Variants in PPP3CC observed in about 807,000 individuals in gnomAD.
PPP3CC encodes the protein serine/threonine-protein phosphatase 2B catalytic subunit gamma isoform.
A neutral mutation model predicts 60.3 loss-of-function variants in PPP3CC; 35 were observed. The observed-to-expected ratio is 0.58, with a 90% CI of 0.44 to 0.77. The LOEUF (loss-of-function observed/expected upper bound fraction) is 0.77, where lower values mean the gene tolerates loss of function less well. PPP3CC is among the 30% of genes least tolerant of loss of function. PPP3CC has a pLI of 0.00. For missense variants in PPP3CC, 570 were observed against 628.9 expected (o/e 0.91, Z 1.00); for synonymous variants, 206 against 224.3 (o/e 0.92, Z 0.73).
chr8:22,536,851 T>TGTATGG (rs1377900179), intron 12 of PPP3CC, among the ~76,000 whole-genome samples: 7 of 152,356 alleles, frequency 4.6e-5, no homozygotes, highest in East Asian at 3.9e-4. Context: ...CATACATTCA[T>TGTATGG]GTATGTCTCA....
In PPP3CC at chr8:22,475,603, C is replaced by A; in HGVS notation, c.351C>A (p.Asp117Glu). 1 of 1,613,308 alleles carries A rather than the reference C, an allele frequency of 6.2e-7. No homozygotes were observed. The highest frequency in any genetic ancestry group is 8.5e-7 in the Non-Finnish European group (1 of 1,179,480). The change falls in exon 3 of 14, where the codon GAC becomes GAA. Residue 117 changes from aspartate to glutamate, a missense_variant. Asp to Glu is a conservative substitution (Grantham distance 45). Coordinates refer to ENST00000240139, the MANE Select transcript of PPP3CC (RefSeq NM_005605.5). ...TRYLFLGDYVDRGYFSIECVL... is the reference protein window; with the variant it reads ...TRYLFLGDYVERGYFSIECVL... The stretch of plus-strand genomic sequence containing the variant: ...ACCTCTTTCTGGGTGACTATGTGGA[C>A]AGAGGCTATTTCAGTATAGAGGTAA...
In PPP3CC at chr8:22,474,990, A is replaced by G. The variant is rs763316735; in HGVS notation, c.86A>G (p.Lys29Arg). The G allele has an allele frequency of 1.9e-6, 3 of 1,607,672 alleles. No homozygotes were observed. The South Asian group carries it at 3.3e-5, about 18-fold the overall frequency. The change falls in exon 2 of 14, where the codon AAG (lysine) becomes AGG (arginine). Residue 29 changes from lysine (K) to arginine (R), a missense_variant. Coordinates refer to ENST00000240139, the MANE Select transcript of PPP3CC (RefSeq NM_005605.5). ...PFPPTQRLTF[K>R]EVFENGKPKV... The stretch of plus-strand genomic sequence containing the variant: ...CCTCCAACCCAACGGCTTACTTTCA[A>G]GGAAGTATTTGAGAATGGGAAACCT...
rs373116798 is a variant in PPP3CC at position 22,477,835 on chromosome 8, A to ATATTTATTTATTTATT, written c.372+2225_372+2240dup. On this transcript the variant is annotated intron_variant, in intron 3 of 13. Transcript: ENST00000240139. Reference sequence around the variant, plus strand: ...TGTATTTAATAAAACAACTTTTAAAATATTTATTTATTTATTTATTTATTT... The same window carrying ATATTTATTTATTTATT: ...TGTATTTAATAAAACAACTTTTAAAATATTTATTTATTTATTTATTTATTTATTTATTTATTTATTT... Among the ~76,000 whole-genome samples, 806 of 151,360 alleles carry ATATTTATTTATTTATT rather than the reference A, an allele frequency of 5.3e-3. 5 individuals are homozygous for ATATTTATTTATTTATT. The highest frequency in any genetic ancestry group is 0.018 in the African/African-American group (749 of 41,134).
chr8:22,444,267 A>G (rs71531266), intron 1 of PPP3CC, among the ~76,000 whole-genome samples: 41,012 of 151,440 alleles, frequency 0.27, 6,807 homozygotes, highest in East Asian at 0.49. Context: ...AAGCCAAAAA[A>G]AAAAAAAAAA....
intron 4 of PPP3CC, among the ~76,000 whole-genome samples, chr8:22,498,629 T>A (rs1003426175): frequency 6.6e-6 from 1 of 152,248 alleles, no homozygotes. Context: ...CATTTCTGTT[T>A]CACCTAATGT....
chr8:22,498,044 C>T lies in PPP3CC; in HGVS notation c.416C>T (p.Thr139Ile). ...LWSLKINHPKTLFLLRGNHEC... is the reference protein window; with the variant it reads ...LWSLKINHPKILFLLRGNHEC... ...AGTTTAAAGATTAATCATCCCAAAACATTGTTTCTGCTTCGGGGAAATCAT... is the reference window on the plus strand; with the variant it reads ...AGTTTAAAGATTAATCATCCCAAAATATTGTTTCTGCTTCGGGGAAATCAT... Residue 139 changes from threonine (T) to isoleucine (I), a missense_variant, in exon 4 of 14, where the codon ACA becomes ATA. Transcript: ENST00000240139. 1 of 1,613,312 alleles carries T rather than the reference C, an allele frequency of 6.2e-7. No individual in the cohort carries two copies. The highest frequency in any genetic ancestry group is 2.2e-5 in the East Asian group (1 of 44,808).
chr8:22,483,365 C>T (rs1405931349), intron 3 of PPP3CC, among the ~76,000 whole-genome samples: 3 of 152,096 alleles, frequency 2.0e-5, no homozygotes, highest in African/African-American at 7.2e-5. Flanking sequence ...CGACTCACTG[C>T]AGGCTCCGCC....
chr8:22,511,312 C>CTCTGTCTCAA, intron 5 of PPP3CC, 81 bp downstream of exon 5: 1 of 1,414,956 alleles, frequency 7.1e-7, no homozygotes, highest in Non-Finnish European at 9.6e-7. Flanking sequence ...TGCTTTGAGA[C>CTCTGTCTCAA]AGAGTCTCTC....
intron 3 of PPP3CC, among the ~76,000 whole-genome samples, chr8:22,477,592 A>G (rs940878651): frequency 3.9e-5 from 6 of 152,204 alleles, no homozygotes; most frequent in Non-Finnish European, 7.3e-5. Context: ...GATTAGAAGA[A>G]TACAAAAATT....
chr8:22,478,159 CT>C (rs971358774), intron 3 of PPP3CC, among the ~76,000 whole-genome samples: 40 of 142,916 alleles, frequency 2.8e-4, no homozygotes, highest in Non-Finnish European at 4.8e-4. Context: ...AATAAAACAA[CT>C]TTTTTTTTTG....
chr8:22,462,332 A>G (rs892636646), intron 1 of PPP3CC, among the ~76,000 whole-genome samples: 3 of 152,170 alleles, frequency 2.0e-5, no homozygotes, highest in African/African-American at 7.2e-5. Flanking sequence ...TCTGTTTTGC[A>G]AGTACTAAGT....
intron 6 of PPP3CC, among the ~76,000 whole-genome samples, chr8:22,521,998 A>G (rs1260633473): frequency 6.6e-6 from 1 of 151,376 alleles, no homozygotes; most frequent in African/African-American, 2.4e-5. Context: ...ATACATATAT[A>G]TGTATATATG....
At chr8:22,456,942 T>G (rs1837211780) in intron 1 of PPP3CC, among the ~76,000 whole-genome samples, 1 of 151,778 alleles carries the variant, frequency 6.6e-6, no homozygotes, top group South Asian at 2.1e-4. Flanking sequence ...AAAGACTTCT[T>G]GGATGCATAG....
intron 8 of PPP3CC, among the ~76,000 whole-genome samples, chr8:22,524,631 G>GTAA (rs1839492529): frequency 2.0e-5 from 3 of 152,132 alleles, no homozygotes; most frequent in African/African-American, 7.2e-5. Flanking sequence ...AAGGACTCTT[G>GTAA]TGGCCCTAGA....
chr8:22,491,051 G>A (rs1563733948), intron 3 of PPP3CC, among the ~76,000 whole-genome samples: 1 of 152,126 alleles, frequency 6.6e-6, no homozygotes, highest in Non-Finnish European at 1.5e-5. Context: ...GAATTTCACA[G>A]TATTTATGTA....
rs541459466 is a variant in PPP3CC, at chr8:22,466,814, T to C, written c.50-8140T>C. 2.8e-4 allele frequency among the ~76,000 whole-genome samples: 43 copies of C among 152,338 alleles called. No homozygotes were observed. In the South Asian group the frequency reaches 8.1e-3, roughly 29 times the overall value. ...TGTTGTCCAGGCTGACGACTGTAGC[T>C]GACTGCAGCCTCAACCTATTGGGTT... On this transcript the variant is annotated intron_variant, in intron 1 of 13. Transcript: ENST00000240139.
At position 22,521,311 on chromosome 8, in the gene PPP3CC, G is replaced by A. The variant is rs369047798; in HGVS notation, c.771-1180G>A. Reference sequence around the variant, plus strand: ...GAGTGCTGCTTTGAGTCTGCAGTTGGGTCTGGTTGGTGGATCTGTTACTAG... The same window carrying A: ...GAGTGCTGCTTTGAGTCTGCAGTTGAGTCTGGTTGGTGGATCTGTTACTAG... On this transcript the variant is annotated intron_variant, in intron 6 of 13. Transcript: ENST00000240139. 7.9e-5 allele frequency among the ~76,000 whole-genome samples: 12 copies of A among 152,310 alleles called. No homozygotes were observed. In the East Asian group the frequency reaches 1.5e-3, roughly 20 times the overall value.
In PPP3CC at chr8:22,470,047, GAT is replaced by G. The variant is rs34311032; in HGVS notation, c.50-4895_50-4894del. Among the ~76,000 whole-genome samples, 157 of 144,874 alleles carry G rather than the reference GAT, an allele frequency of 1.1e-3. 1 individual carries two copies. The highest frequency in any genetic ancestry group is 2.3e-3 in the African/African-American group (87 of 38,452). Reference sequence around the variant, plus strand: ...TGATATATATAAAATAAATATGGGTGATATATATATATACACACACACACACA... The same window carrying G: ...TGATATATATAAAATAAATATGGGTGATATATATATACACACACACACACA... On this transcript the variant is annotated intron_variant, in intron 1 of 13. Coordinates refer to ENST00000240139, the MANE Select transcript of PPP3CC (RefSeq NM_005605.5).
chr8:22,525,532 TTCTTTCTCTCCCTC>T (rs1406440454), intron 8 of PPP3CC, among the ~76,000 whole-genome samples: 3 of 109,092 alleles, frequency 2.7e-5, no homozygotes, highest in South Asian at 5.9e-4. Context: ...CTTTCTTTCT[TTCTTTCTCTCCCTC>T]TCTCTCTCTC....
Sources: allele counts gnomAD v4.1 joint callset (sites outside exome capture counted in the v4.1 genomes callset), GRCh38; gene constraint gnomAD v4.1.1; transcripts MANE v1.5; gene names NCBI Gene and HGNC (gene_info 2026-07-23, HGNC 2026-07-21).